Variants in MIR2052HG observed in about 807,000 individuals in gnomAD.
The protein encoded by MIR2052HG is MIR2052 host gene.
intron 2 of MIR2052HG, among the ~76,000 whole-genome samples, chr8:74,678,406 T>C (rs1586911555): frequency 1.3e-5 from 2 of 151,136 alleles, no homozygotes; most frequent in East Asian, 2.0e-4. Context: ...TAAAAATAAA[T>C]ACAAAAATTA....
chr8:74,604,267 T>C (rs909809577), intron 1 of MIR2052HG: 2 of 845,008 alleles, frequency 2.4e-6, no homozygotes, highest in East Asian at 2.6e-5. Flanking sequence ...TCTGGGGAGC[T>C]GGACTTTGAG....
rs1290957914 is a variant in MIR2052HG at position 74,755,591 on chromosome 8, TC to T, written n.465-2518del. On this transcript the variant is annotated intron_variant and non_coding_transcript_variant, in intron 5 of 6. Coordinates refer to ENST00000523442, the Ensembl canonical transcript of MIR2052HG. ...TTACAAAATGTTCTGCTGGCTCTTT[TC>T]CTTTAAGCTTCTTTTTGGCGCTTCT... Among the ~76,000 whole-genome samples the T allele has an allele frequency of 2.6e-5, 4 of 152,222 alleles. No individual in the cohort carries two copies. The East Asian group carries it at 7.7e-4, about 29-fold the overall frequency.
At chr8:74,757,259 G>A (rs1810014273) in intron 5 of MIR2052HG, 1 of 152,190 alleles carries the variant, frequency 6.6e-6, no homozygotes, top group Admixed American at 6.5e-5. Flanking sequence ...TATTATCTAG[G>A]AGCTTGTTCA....
At chr8:74,710,213 C>A (rs1809454000) in intron 4 of MIR2052HG, among the ~76,000 whole-genome samples, 1 of 152,026 alleles carries the variant, frequency 6.6e-6, no homozygotes, top group Non-Finnish European at 1.5e-5. Context: ...GCAGGCATAA[C>A]AGAGGAAATA....
Position 74,668,732 on chromosome 8 carries a change from C to T in MIR2052HG, n.217-33647C>T, listed in dbSNP as rs1808958825. Among the ~76,000 whole-genome samples the T allele has an allele frequency of 2.0e-5, 3 of 152,220 alleles. No individual in the cohort carries two copies. In the South Asian group the frequency reaches 6.2e-4, roughly 32 times the overall value. ...ATGAGTTATCAGCCACCTCTTGGAA[C>T]TGCCCCACCAGAAGAGAGGCACCTC... On this transcript the variant is annotated intron_variant and non_coding_transcript_variant, in intron 2 of 6. Coordinates refer to ENST00000523442, the Ensembl canonical transcript of MIR2052HG.
intron 5 of MIR2052HG, chr8:74,756,527 C>G (rs975269549): frequency 3.3e-5 from 5 of 152,172 alleles, no homozygotes; most frequent in African/African-American, 1.2e-4. Flanking sequence ...TACAGAAATT[C>G]TGTGAAATAG....
chr8:74,617,456 G>GGTGT (rs61474557), intron 2 of MIR2052HG, among the ~76,000 whole-genome samples: 37 of 147,394 alleles, frequency 2.5e-4, no homozygotes, highest in Middle Eastern at 3.5e-3. Context: ...TATTCCATTG[G>GGTGT]GTGTGTGTGT....
intron 1 of MIR2052HG, among the ~76,000 whole-genome samples, chr8:74,608,822 A>G (rs994906651): frequency 9.2e-5 from 14 of 152,104 alleles, no homozygotes; most frequent in Non-Finnish European, 1.9e-4. Flanking sequence ...AATTTATGAC[A>G]CCAACTACCT....
chr8:74,720,077 C>T (rs192666704), intron 4 of MIR2052HG, among the ~76,000 whole-genome samples: 1 of 152,176 alleles, frequency 6.6e-6, no homozygotes, highest in Admixed American at 6.5e-5. Flanking sequence ...GTCTTGATCT[C>T]CTGACCTCAT....
intron 4 of MIR2052HG, among the ~76,000 whole-genome samples, chr8:74,732,108 C>T (rs1809698630): frequency 6.6e-6 from 1 of 152,056 alleles, no homozygotes; most frequent in Non-Finnish European, 1.5e-5. Flanking sequence ...TTCAACCAAC[C>T]ATGAATGGAA....
At chr8:74,738,005 T>A (rs1476835958) in intron 4 of MIR2052HG, among the ~76,000 whole-genome samples, 1 of 152,166 alleles carries the variant, frequency 6.6e-6, no homozygotes, top group Admixed American at 6.6e-5. Context: ...TATGTATGTA[T>A]GTGTTATCTA....
intron 4 of MIR2052HG, among the ~76,000 whole-genome samples, chr8:74,744,595 G>A (rs1032399850): frequency 5.3e-5 from 8 of 151,852 alleles, no homozygotes; most frequent in Non-Finnish European, 1.0e-4. Context: ...TTGTCCTTGC[G>A]ATAGTTTACT....
intron 2 of MIR2052HG, among the ~76,000 whole-genome samples, chr8:74,654,975 A>G (rs1808789761): frequency 1.3e-5 from 2 of 152,134 alleles, no homozygotes; most frequent in South Asian, 4.1e-4. Context: ...GAGATGAGGA[A>G]CTTGTTGGCA....
chr8:74,644,351 A>G (rs767517452), intron 2 of MIR2052HG, among the ~76,000 whole-genome samples: 2 of 152,206 alleles, frequency 1.3e-5, no homozygotes, highest in East Asian at 1.9e-4. Context: ...CTGTGTTACA[A>G]TTGCCTACAG....
chr8:74,674,773 A>G (rs1341272346), intron 2 of MIR2052HG, among the ~76,000 whole-genome samples: 1 of 151,954 alleles, frequency 6.6e-6, no homozygotes, highest in Non-Finnish European at 1.5e-5. Flanking sequence ...AACAGGTTCA[A>G]TAAGAACCTG....
At chr8:74,708,091 C>T (rs1159000618) in intron 4 of MIR2052HG, among the ~76,000 whole-genome samples, 1 of 152,074 alleles carries the variant, frequency 6.6e-6, no homozygotes, top group Non-Finnish European at 1.5e-5. Flanking sequence ...CTTCGGCTTT[C>T]TCTATCTGTG....
Position 74,734,585 on chromosome 8 carries a change from T to C in MIR2052HG, n.372-17856T>C, listed in dbSNP as rs1351874422. ...AGGTCATTATCTCCACCTCCTCCTC[T>C]TTCTTCCCAACTGTAGGTCAAAGCT... On this transcript the variant is annotated intron_variant and non_coding_transcript_variant, in intron 4 of 6. Coordinates refer to ENST00000523442, the Ensembl canonical transcript of MIR2052HG. Among the ~76,000 whole-genome samples, 4 of 152,230 alleles carry C rather than the reference T, an allele frequency of 2.6e-5. No homozygotes were observed. The South Asian group carries it at 6.2e-4, about 24-fold the overall frequency.
intron 2 of MIR2052HG, among the ~76,000 whole-genome samples, chr8:74,634,343 C>T (rs12334615): frequency 0.013 from 2,004 of 152,276 alleles, 40 homozygotes; most frequent in African/African-American, 0.045. Context: ...CAGAGGTTTA[C>T]ATAGACAACC....
At chr8:74,700,378 T>C (rs958384962) in intron 2 of MIR2052HG, among the ~76,000 whole-genome samples, 5 of 152,186 alleles carry the variant, frequency 3.3e-5, no homozygotes, top group South Asian at 2.1e-4. Flanking sequence ...TGTTCAATGC[T>C]CTAAACCAGT....
Sources: allele counts gnomAD v4.1 joint callset (sites outside exome capture counted in the v4.1 genomes callset), GRCh38; gene constraint gnomAD v4.1.1; transcripts MANE v1.5; gene names NCBI Gene and HGNC (gene_info 2026-07-23, HGNC 2026-07-21).